DYM: variants seen among roughly 807,000 people sequenced by gnomAD.
DYM encodes dymeclin, also known as dyggve-Melchior-Clausen syndrome protein.
DYM carries 78 observed loss-of-function variants against 93.1 expected under a neutral mutation model. The observed-to-expected ratio is 0.84, with a 90% CI of 0.70 to 1.01. DYM has a LOEUF of 1.01. Ranked by LOEUF, DYM falls within the 50% of genes least tolerant of loss-of-function variation. The probability of loss-of-function intolerance (pLI) is 0.00; values close to 1 mark genes in which losing one functional copy is unlikely to be tolerated. For synonymous variants in DYM, 321 were observed against 319.7 expected (o/e 1.00, Z -0.04); for missense variants, 789 against 845.0 (o/e 0.93, Z 0.82).
At chr18:49,186,808 A>T (rs2090475467) in intron 14 of DYM, among the ~76,000 whole-genome samples, 1 of 152,184 alleles carries the variant, frequency 6.6e-6, no homozygotes, top group Non-Finnish European at 1.5e-5. Context: ...GGATCTTGCT[A>T]AAAAATTATA....
At chr18:49,416,162 G>A (rs1408282321) in intron 2 of DYM, among the ~76,000 whole-genome samples, 3 of 152,124 alleles carry the variant, frequency 2.0e-5, no homozygotes, top group Non-Finnish European at 4.4e-5. Context: ...TAAACTAATA[G>A]GTAATTACTC....
chr18:49,419,029 C>T (rs1357570038), intron 2 of DYM, among the ~76,000 whole-genome samples: 1 of 152,038 alleles, frequency 6.6e-6, no homozygotes, highest in Non-Finnish European at 1.5e-5. Context: ...TTCTAAGATC[C>T]CTTTATACGT....
chr18:49,085,499 C>T (rs1218870460), intron 17 of DYM, among the ~76,000 whole-genome samples: 3 of 150,850 alleles, frequency 2.0e-5, no homozygotes, highest in African/African-American at 7.3e-5. Flanking sequence ...CAGTAACTGA[C>T]ATTATATTAG....
Position 49,043,334 on chromosome 18 carries a change from T to C in DYM, c.*721A>G, listed in dbSNP as rs897145750. On this transcript the variant is annotated 3_prime_UTR_variant, in exon 18 of 18. Transcript: ENST00000675505. ...TTGTAGAGATGGGATCTCACTATGT[T>C]GCCCAAGCTGGTTTCAGATTCCTGT... 6.6e-6 allele frequency: 1 copy of C among 152,278 alleles called. No homozygotes were observed. Among genetic ancestry groups the C allele is most frequent in the Admixed American group, 6.5e-5 (1 of 15,282 alleles). 9.4% of individuals were successfully genotyped at this position (152,278 alleles called of 1,614,324 possible). A position where few individuals can be genotyped will look rare whatever the true frequency, so the allele number is the denominator to read the frequency against.
intron 8 of DYM, among the ~76,000 whole-genome samples, chr18:49,301,709 T>C (rs547062647): frequency 1.3e-5 from 2 of 152,264 alleles, no homozygotes; most frequent in East Asian, 1.9e-4. Context: ...CTAACACTAG[T>C]AGTCTCCAAA....
chr18:49,408,358 T>C (rs975225455), intron 2 of DYM, among the ~76,000 whole-genome samples: 3 of 152,236 alleles, frequency 2.0e-5, no homozygotes, highest in African/African-American at 7.2e-5. Flanking sequence ...TTTTCTACCA[T>C]AAACATTGCT....
chr18:49,419,245 A>T (rs999052224), intron 2 of DYM, among the ~76,000 whole-genome samples: 1 of 152,140 alleles, frequency 6.6e-6, no homozygotes, highest in Admixed American at 6.5e-5. Context: ...CTGTAATCCC[A>T]GCTACTCGGA....
intron 2 of DYM, among the ~76,000 whole-genome samples, chr18:49,416,112 T>C (rs1319333744): frequency 1.3e-5 from 2 of 152,152 alleles, no homozygotes; most frequent in Admixed American, 6.5e-5. Flanking sequence ...ATTCCTCAAA[T>C]ATTTTAGACT....
intron 13 of DYM, among the ~76,000 whole-genome samples, chr18:49,229,194 A>G (rs1461311905): frequency 3.3e-5 from 5 of 152,116 alleles, no homozygotes; most frequent in African/African-American, 1.2e-4. Flanking sequence ...TAAATCTATT[A>G]GACAAAATAA....
chr18:49,219,943 A>C (rs1327745369), intron 13 of DYM, among the ~76,000 whole-genome samples: 5 of 148,436 alleles, frequency 3.4e-5, no homozygotes, highest in African/African-American at 9.8e-5. Context: ...GTATTCAATT[A>C]GAAAAAGAGG....
intron 14 of DYM, among the ~76,000 whole-genome samples, chr18:49,164,007 T>G (rs543809205): frequency 1.3e-5 from 2 of 152,270 alleles, no homozygotes; most frequent in African/African-American, 4.8e-5. Flanking sequence ...AAAAATTTTT[T>G]AATGACAGTT....
intron 14 of DYM, among the ~76,000 whole-genome samples, chr18:49,184,755 A>C (rs1045472065): frequency 1.3e-5 from 2 of 152,190 alleles, no homozygotes; most frequent in East Asian, 3.8e-4. Flanking sequence ...TTAAAAACTT[A>C]CGAATTTTCT....
At chr18:49,128,295 T>G (rs2083029711) in intron 15 of DYM, among the ~76,000 whole-genome samples, 1 of 152,224 alleles carries the variant, frequency 6.6e-6, no homozygotes, top group Non-Finnish European at 1.5e-5. Context: ...AAGAGACAAG[T>G]GCGTACCAGA....
intron 17 of DYM, among the ~76,000 whole-genome samples, chr18:49,092,397 A>G (rs2079126692): frequency 6.6e-6 from 1 of 152,212 alleles, no homozygotes; most frequent in African/African-American, 2.4e-5. Context: ...TTCCCTGACT[A>G]GTTCTTCCCA....
At chr18:49,281,971 C>T in intron 10 of DYM, 26 bp downstream of exon 10, 9 of 1,604,972 alleles carry the variant, frequency 5.6e-6, no homozygotes, top group Non-Finnish European at 7.7e-6. Context: ...AATACAAACG[C>T]ATGGAATGTT....
intron 13 of DYM, among the ~76,000 whole-genome samples, chr18:49,238,696 C>G (rs1201078442): frequency 1.3e-5 from 2 of 151,872 alleles, no homozygotes; most frequent in Non-Finnish European, 2.9e-5. Context: ...CAAATTTCCT[C>G]CAGCTGAATC....
In DYM at chr18:49,039,301, T is replaced by C. The variant is rs2070816591; in HGVS notation, c.*4754A>G. ...AATATTATTGCTCCTTTAATGGTTA[T>C]ATTCCCTCTCCCACCCCAGCAGGTC... On this transcript the variant is annotated 3_prime_UTR_variant, in exon 18 of 18. Transcript: ENST00000675505. Among the ~76,000 whole-genome samples the C allele has an allele frequency of 6.6e-6, 1 of 152,234 alleles. No individual in the cohort carries two copies. The highest frequency in any genetic ancestry group is 1.5e-5 in the Non-Finnish European group (1 of 68,048).
rs1319738490 is a variant in DYM at position 49,044,289 on chromosome 18, G to A, written c.2026-85C>T. The A allele has an allele frequency of 3.9e-6, 6 of 1,522,844 alleles. No individual in the cohort carries two copies. In the Admixed American group the frequency reaches 6.7e-5, roughly 17 times the overall value. The allele number at this position is 1,522,844 out of a possible 1,614,324, so 94.3% of individuals were successfully genotyped here. A position where few individuals can be genotyped will look rare whatever the true frequency, so the allele number is the denominator to read the frequency against. On this transcript the variant is annotated intron_variant, in intron 17 of 17. Coordinates refer to ENST00000675505, the MANE Select transcript of DYM (RefSeq NM_001353214.3). ...GAGAGTTTGCAGGTGGTGCTGTGGT[G>A]TGCGGGGAGCCCACCCACCCCTGCC...
At chr18:49,363,033 G>A in intron 6 of DYM, 128 bp downstream of exon 6, 1 of 735,256 alleles carries the variant, frequency 1.4e-6, no homozygotes, top group South Asian at 1.6e-5. Flanking sequence ...AGAACTCTGT[G>A]GATATAGAAT....
Sources: allele counts gnomAD v4.1 joint callset (sites outside exome capture counted in the v4.1 genomes callset), GRCh38; gene constraint gnomAD v4.1.1; transcripts MANE v1.5; gene names NCBI Gene and HGNC (gene_info 2026-07-23, HGNC 2026-07-21).